PLA2G4E: variants seen among roughly 807,000 people sequenced by gnomAD.
The protein encoded by PLA2G4E is cytosolic phospholipase A2 epsilon.
PLA2G4E carries 84 observed loss-of-function variants against 109.1 expected under a neutral mutation model. That is an observed-to-expected ratio of 0.77 (90% CI 0.65 to 0.92). PLA2G4E has a LOEUF of 0.92. Ranked by LOEUF, PLA2G4E falls within the 40% of genes least tolerant of loss-of-function variation. The pLI, the probability that PLA2G4E is intolerant of heterozygous loss-of-function variation, is 0.00. For missense variants in PLA2G4E, 1,057 were observed against 1,076.6 expected (o/e 0.98, Z 0.25); for synonymous variants, 469 against 436.1 (o/e 1.08, Z -0.94).
At chr15:42,009,424 T>C (rs1240499487) in intron 2 of PLA2G4E, among the ~76,000 whole-genome samples, 1 of 152,218 alleles carries the variant, frequency 6.6e-6, no homozygotes, top group Non-Finnish European at 1.5e-5. Context: ...TCCCATCTCC[T>C]GTCTTGCCCC....
Position 42,013,570 on chromosome 15 carries a change from TGC to T in PLA2G4E, c.256+113_256+114del, listed in dbSNP as rs200241303. On this transcript the variant is annotated intron_variant, in intron 2 of 19. Coordinates refer to ENST00000399518, the Ensembl canonical transcript of PLA2G4E. ...CACATACACGTATACACCATGCACG[TGC>T]ACACGTGCGCGCGCACACACACACA... 231 of 936,510 alleles carry T rather than the reference TGC, an allele frequency of 2.5e-4. 3 individuals are homozygous for T. The highest frequency in any genetic ancestry group is 3.2e-4 in the Non-Finnish European group (194 of 608,286). 58.0% of individuals were successfully genotyped at this position (936,510 alleles called of 1,614,324 possible). A position where few individuals can be genotyped will look rare whatever the true frequency, so the allele number is the denominator to read the frequency against.
intron 11 of PLA2G4E, among the ~76,000 whole-genome samples, chr15:41,996,305 GC>G (rs1480014112): frequency 2.1e-5 from 3 of 140,580 alleles, no homozygotes; most frequent in Admixed American, 1.5e-4. Context: ...CTGTGATGGT[GC>G]CACTGCACTC....
chr15:41,987,143 G>A, intron 17 of PLA2G4E, 29 bp downstream of exon 17: 1 of 1,584,916 alleles, frequency 6.3e-7, no homozygotes, highest in Non-Finnish European at 8.7e-7. Flanking sequence ...TATGGAGGCA[G>A]GCCTCAAGGA....
intron 1 of PLA2G4E, among the ~76,000 whole-genome samples, chr15:42,027,862 C>T (rs2068705686): frequency 1.5e-5 from 1 of 66,904 alleles, no homozygotes; most frequent in Non-Finnish European, 3.2e-5. Context: ...TGTGGCAGCC[C>T]TCCTGGGCCA....
At position 42,000,293 on chromosome 15, in the gene PLA2G4E, G is replaced by A. The variant is rs148311494; in HGVS notation, c.674-11C>T. ...CCAGGAGGTCCTTCACTGGGAGAGA[G>A]GACAAGAGGGTGAGACCCTGGGAGC... On this transcript the variant is annotated splice_polypyrimidine_tract_variant and intron_variant, in intron 7 of 19. Coordinates refer to ENST00000399518, the Ensembl canonical transcript of PLA2G4E. 306 of 1,556,688 alleles carry A rather than the reference G, an allele frequency of 2.0e-4. 4 individuals are homozygous for A. The East Asian group carries it at 7.2e-3, about 37-fold the overall frequency.
rs889058750 is a variant in PLA2G4E at position 41,983,589 on chromosome 15, C to T, written c.*165G>A. The T allele has an allele frequency of 2.5e-5, 16 of 630,646 alleles. 1 individual carries two copies. Among genetic ancestry groups the T allele is most frequent in the African/African-American group, 2.4e-4 (13 of 54,394 alleles). The allele number at this position is 630,646 out of a possible 1,614,324, so 39.1% of individuals were successfully genotyped here. A position where few individuals can be genotyped will look rare whatever the true frequency, so the allele number is the denominator to read the frequency against. ...CTCCTCTCTCTCTCTTTCTGACTTT[C>T]TCAACTTTTTAAAATTTTTTACTTT... On this transcript the variant is annotated 3_prime_UTR_variant, in exon 20 of 20. Coordinates refer to ENST00000399518, the Ensembl canonical transcript of PLA2G4E.
chr15:41,991,124 T>C (rs1316037980), intron 13 of PLA2G4E, among the ~76,000 whole-genome samples: 1 of 152,136 alleles, frequency 6.6e-6, no homozygotes, highest in Non-Finnish European at 1.5e-5. Context: ...AGCTGCAGGC[T>C]CAGGGAAGAG....
At chr15:42,037,556 C>T (rs1286823713) in intron 1 of PLA2G4E, among the ~76,000 whole-genome samples, 1 of 152,240 alleles carries the variant, frequency 6.6e-6, no homozygotes, top group Non-Finnish European at 1.5e-5. Context: ...GTACCTTGTT[C>T]TTCCTGGTCA....
chr15:42,031,850 G>C (rs1384731077), intron 1 of PLA2G4E, among the ~76,000 whole-genome samples: 1 of 152,212 alleles, frequency 6.6e-6, no homozygotes, highest in African/African-American at 2.4e-5. Context: ...GTGTCAGATG[G>C]TTCTAGTCTA....
intron 17 of PLA2G4E, chr15:41,986,814 C>A (rs912228941): frequency 3.7e-5 from 11 of 298,166 alleles, no homozygotes; most frequent in Non-Finnish European, 6.4e-5. Context: ...AGCCACTGTG[C>A]CTGGCACCAC....
chr15:42,033,878 T>A (rs993525407), intron 1 of PLA2G4E, among the ~76,000 whole-genome samples: 5 of 152,144 alleles, frequency 3.3e-5, no homozygotes, highest in African/African-American at 1.2e-4. Flanking sequence ...CAGAGACCCC[T>A]TGCCAAGGTG....
At chr15:42,017,185 G>A (rs1432580113) in intron 1 of PLA2G4E, among the ~76,000 whole-genome samples, 3 of 152,080 alleles carry the variant, frequency 2.0e-5, no homozygotes, top group South Asian at 4.2e-4. Context: ...TGGTCCTCTC[G>A]GCCTCACAAT....
intron 2 of PLA2G4E, among the ~76,000 whole-genome samples, chr15:42,008,524 T>C (rs1007463046): frequency 2.6e-5 from 4 of 152,208 alleles, no homozygotes. Flanking sequence ...CACATACTTC[T>C]TTTTCATTCT....
intron 1 of PLA2G4E, among the ~76,000 whole-genome samples, chr15:42,015,477 G>A (rs1595570110): frequency 6.6e-6 from 1 of 152,210 alleles, no homozygotes; most frequent in South Asian, 2.1e-4. Context: ...CTGTGTGCTC[G>A]CTGGTAGGGC....
intron 13 of PLA2G4E, 129 bp from the exon 14 acceptor site, chr15:41,990,364 G>A (rs1305030323): frequency 2.2e-5 from 17 of 782,126 alleles, no homozygotes; most frequent in Non-Finnish European, 3.4e-5. Context: ...CTGCTGTATC[G>A]GCCCCAGCTG....
chr15:41,999,958 G>A, exon 9 of PLA2G4E: 1 of 1,611,594 alleles, frequency 6.2e-7, no homozygotes. Context: ...AGGCAGTCGA[G>A]GGGCTGGCTG....
In PLA2G4E at chr15:41,994,290, C is replaced by T. The variant is rs533019336; in HGVS notation, c.1247+1070G>A. Among the ~76,000 whole-genome samples, 40 of 71,534 alleles carry T rather than the reference C, an allele frequency of 5.6e-4. 1 individual carries two copies. Among genetic ancestry groups the T allele is most frequent in the South Asian group, 3.2e-3 (5 of 1,544 alleles). 46.9% of individuals were successfully genotyped at this position (71,534 alleles called of 152,430 possible). On this transcript the variant is annotated intron_variant, in intron 12 of 19. Transcript: ENST00000399518. ...TCTCCTTCTGTCTCACCTGGGCTGGCGCCTCTGCCCCCCGGGGGGGTGTGT... is the reference window on the plus strand; with the variant it reads ...TCTCCTTCTGTCTCACCTGGGCTGGTGCCTCTGCCCCCCGGGGGGGTGTGT...
intron 17 of PLA2G4E, among the ~76,000 whole-genome samples, chr15:41,986,371 G>A (rs374891682): frequency 2.6e-5 from 4 of 152,166 alleles, no homozygotes; most frequent in East Asian, 1.9e-4. Flanking sequence ...TTAAGAAGGC[G>A]AAAGTCAATG....
exon 8 of PLA2G4E, chr15:42,000,216 T>A: frequency 6.3e-7 from 1 of 1,589,048 alleles, no homozygotes; most frequent in Non-Finnish European, 8.6e-7. Context: ...GCAGCAGGGT[T>A]CCAAGCAGGG....
Sources: gnomAD v4.1 joint callset for allele counts (sites outside exome capture counted in the v4.1 genomes callset) on GRCh38, gnomAD v4.1.1 for gene constraint, MANE v1.5 for transcripts, NCBI Gene and HGNC (gene_info 2026-07-23, HGNC 2026-07-21) for gene names.